Variants in NDUFAF2 observed in about 807,000 individuals in gnomAD.
NDUFAF2 encodes NADH:ubiquinone oxidoreductase complex assembly factor 2.
In NDUFAF2, 13 loss-of-function variants were observed where a neutral mutation model predicts 22.8. The observed-to-expected ratio is 0.57, with a 90% confidence interval of 0.37 to 0.91. The LOEUF (loss-of-function observed/expected upper bound fraction) is 0.91, where lower values mean the gene tolerates loss of function less well. Ranked by LOEUF, NDUFAF2 falls within the 40% of genes least tolerant of loss-of-function variation. The pLI is 0.01. For missense variants in NDUFAF2, 162 were observed against 195.2 expected (o/e 0.83, Z 1.01); for synonymous variants, 53 against 64.2 (o/e 0.83, Z 0.84).
At chr5:61,081,554 C>T (rs928457707) in intron 2 of NDUFAF2, among the ~76,000 whole-genome samples, 1 of 152,066 alleles carries the variant, frequency 6.6e-6, no homozygotes, top group Non-Finnish European at 1.5e-5. Flanking sequence ...AAGAACGTCA[C>T]CTTGGGCATA....
intron 1 of NDUFAF2, among the ~76,000 whole-genome samples, chr5:61,021,718 T>C (rs1335181522): frequency 6.6e-6 from 1 of 152,260 alleles, no homozygotes; most frequent in Non-Finnish European, 1.5e-5. Flanking sequence ...TTTAATATTA[T>C]GCCTTTTTAC....
intron 1 of NDUFAF2, among the ~76,000 whole-genome samples, chr5:61,006,945 T>A (rs975474375): frequency 6.6e-6 from 1 of 152,096 alleles, no homozygotes. Context: ...AAGCTGTCAA[T>A]ATTTATCTCT....
chr5:60,987,460 A>G (rs1751097752), intron 1 of NDUFAF2, among the ~76,000 whole-genome samples: 1 of 152,214 alleles, frequency 6.6e-6, no homozygotes, highest in African/African-American at 2.4e-5. Flanking sequence ...CAAAATTGGC[A>G]GAGATACAAC....
intron 2 of NDUFAF2, 138 bp from the exon 3 acceptor site, chr5:61,098,854 T>A: frequency 1.8e-6 from 1 of 542,322 alleles, no homozygotes; most frequent in Non-Finnish European, 3.4e-6. Context: ...GAGAAGGGAC[T>A]TAATCTGTTT....
At chr5:61,073,345 T>G (rs1752326004) in intron 2 of NDUFAF2, 131 bp downstream of exon 2, 1 of 729,424 alleles carries the variant, frequency 1.4e-6, no homozygotes, top group African/African-American at 1.8e-5. Flanking sequence ...TGTTTGAAAC[T>G]TTGTTTTTTT....
At chr5:60,992,891 A>T (rs1454388464) in intron 1 of NDUFAF2, among the ~76,000 whole-genome samples, 1 of 152,216 alleles carries the variant, frequency 6.6e-6, no homozygotes, top group Non-Finnish European at 1.5e-5. Context: ...TGGCTGCCAG[A>T]CATCTTCTTG....
intron 3 of NDUFAF2, among the ~76,000 whole-genome samples, chr5:61,119,648 C>T (rs1752953235): frequency 6.6e-6 from 1 of 152,126 alleles, no homozygotes; most frequent in Non-Finnish European, 1.5e-5. Flanking sequence ...AATGGGTTAA[C>T]CACCATCCAC....
chr5:61,011,889 A>T (rs1310900323), intron 1 of NDUFAF2, among the ~76,000 whole-genome samples: 2 of 152,026 alleles, frequency 1.3e-5, no homozygotes, highest in Non-Finnish European at 2.9e-5. Context: ...AAAAAAAATA[A>T]ATTAGCAGTC....
At chr5:61,064,544 C>T (rs975573495) in intron 1 of NDUFAF2, among the ~76,000 whole-genome samples, 5 of 151,890 alleles carry the variant, frequency 3.3e-5, no homozygotes, top group Admixed American at 3.3e-4. Flanking sequence ...TTTCAAACTA[C>T]AGTGATATGA....
intron 3 of NDUFAF2, among the ~76,000 whole-genome samples, chr5:61,109,095 A>G (rs76816034): frequency 7.6e-4 from 116 of 152,280 alleles, no homozygotes; most frequent in Middle Eastern, 3.4e-3. Flanking sequence ...TGAACATATA[A>G]TATCCTTCCC....
At chr5:60,983,994 A>G (rs1051429952) in intron 1 of NDUFAF2, among the ~76,000 whole-genome samples, 97 of 152,072 alleles carry the variant, frequency 6.4e-4, no homozygotes, top group Non-Finnish European at 1.2e-3. Flanking sequence ...CTTGGGCAGT[A>G]TGGCCATTTT....
intron 1 of NDUFAF2, among the ~76,000 whole-genome samples, chr5:60,966,486 A>G (rs563479782): frequency 6.6e-6 from 1 of 152,230 alleles, no homozygotes; most frequent in East Asian, 1.9e-4. Context: ...GTTTTACAGT[A>G]CAAGTCCTGT....
chr5:60,953,958 C>A (rs1376995218), intron 1 of NDUFAF2, among the ~76,000 whole-genome samples: 1 of 152,198 alleles, frequency 6.6e-6, no homozygotes, highest in African/African-American at 2.4e-5. Context: ...AAAGGAATTT[C>A]TCCTTTCCAT....
At chr5:60,952,422 T>A (rs998822185) in intron 1 of NDUFAF2, among the ~76,000 whole-genome samples, 1 of 152,038 alleles carries the variant, frequency 6.6e-6, no homozygotes, top group African/African-American at 2.4e-5. Context: ...TATATTTTCT[T>A]ATTTATTTTT....
intron 3 of NDUFAF2, among the ~76,000 whole-genome samples, chr5:61,100,707 GA>G (rs1218919363): frequency 9.2e-5 from 14 of 152,096 alleles, no homozygotes; most frequent in African/African-American, 3.1e-4. Context: ...GCAAGATAGT[GA>G]GTTCCTTTTT....
chr5:61,137,633 CAGTGTGTTTAA>C (rs1318919526), intron 3 of NDUFAF2, among the ~76,000 whole-genome samples: 1 of 152,142 alleles, frequency 6.6e-6, no homozygotes, highest in Non-Finnish European at 1.5e-5. Context: ...AAGTGAAATA[CAGTGTGTTTAA>C]AGAACAAAGA....
intron 3 of NDUFAF2, among the ~76,000 whole-genome samples, chr5:61,104,209 C>T (rs902812993): frequency 6.6e-6 from 1 of 152,102 alleles, no homozygotes; most frequent in Admixed American, 6.6e-5. Context: ...ATTCACATTT[C>T]ACAGAGCTAA....
intron 3 of NDUFAF2, among the ~76,000 whole-genome samples, chr5:61,118,433 T>C (rs890314998): frequency 2.0e-5 from 3 of 152,230 alleles, no homozygotes; most frequent in Non-Finnish European, 4.4e-5. Context: ...AAAATTAAAA[T>C]TCACAAGTGA....
At chr5:61,145,923 ACT>A (rs1741131130) in intron 3 of NDUFAF2, 1 of 152,012 alleles carries the variant, frequency 6.6e-6, no homozygotes, top group African/African-American at 2.4e-5. Flanking sequence ...CTCATGCATG[ACT>A]CTCAATTGTC....
Sources: allele counts gnomAD v4.1 joint callset (sites outside exome capture counted in the v4.1 genomes callset), GRCh38; gene constraint gnomAD v4.1.1; transcripts MANE v1.5; gene names NCBI Gene and HGNC (gene_info 2026-07-23, HGNC 2026-07-21).